Variants in FMN1 observed in about 807,000 individuals in gnomAD.
FMN1 encodes formin 1.
A neutral mutation model predicts 132.4 loss-of-function variants in FMN1; 110 were observed. That is an observed-to-expected ratio of 0.83 (90% CI 0.71 to 0.97). FMN1 has a LOEUF of 0.97. Among genes scored for constraint, FMN1 ranks in the 50% least tolerant of loss-of-function variants. The pLI, the probability that FMN1 is intolerant of heterozygous loss-of-function variation, is 0.00. For synonymous variants in FMN1, 722 were observed against 651.7 expected (o/e 1.11, Z -1.64); for missense variants, 1,792 against 1,705.3 (o/e 1.05, Z -0.90).
intron 8 of FMN1, among the ~76,000 whole-genome samples, chr15:32,967,226 G>C (rs2930130): frequency 0.016 from 2,406 of 152,274 alleles, 70 homozygotes; most frequent in African/African-American, 0.055. Context: ...CAGCTTTCCC[G>C]TGGTCGTGGG....
At chr15:32,779,002 A>T (rs1183356628) in intron 19 of FMN1, among the ~76,000 whole-genome samples, 1 of 152,200 alleles carries the variant, frequency 6.6e-6, no homozygotes, top group Non-Finnish European at 1.5e-5. Context: ...GAATTTGCTG[A>T]TACATGCTAC....
intron 7 of FMN1, among the ~76,000 whole-genome samples, chr15:32,982,485 T>C (rs1338705004): frequency 6.6e-6 from 1 of 152,220 alleles, no homozygotes; most frequent in East Asian, 1.9e-4. Flanking sequence ...GGTAGCTTTA[T>C]CAATAATAGC....
intron 16 of FMN1, among the ~76,000 whole-genome samples, chr15:32,864,919 G>A (rs1242620679): frequency 6.6e-6 from 1 of 152,100 alleles, no homozygotes; most frequent in African/African-American, 2.4e-5. Context: ...GAAATATTTG[G>A]CCATTAAAAC....
chr15:32,838,365 GGAGACT>G (rs2058673123), intron 17 of FMN1, among the ~76,000 whole-genome samples: 1 of 152,206 alleles, frequency 6.6e-6, no homozygotes, highest in African/African-American at 2.4e-5. Flanking sequence ...AGAACAGTCT[GGAGACT>G]GAGCAACTGG....
intron 19 of FMN1, among the ~76,000 whole-genome samples, chr15:32,787,592 T>C (rs1380251710): frequency 6.6e-6 from 1 of 152,222 alleles, no homozygotes; most frequent in East Asian, 1.9e-4. Context: ...GGCTCACACC[T>C]GTAATTCCAG....
chr15:32,803,389 C>T (rs1003920604), intron 18 of FMN1, among the ~76,000 whole-genome samples: 2 of 152,106 alleles, frequency 1.3e-5, no homozygotes, highest in African/African-American at 4.8e-5. Context: ...GGTCAACTAA[C>T]AAAAAGGAAA....
At position 33,073,729 on chromosome 15, in the gene FMN1, CTTG is replaced by C. The variant is rs150891143; in HGVS notation, c.2044-8658_2044-8656del. ...TTAGAAATAGTAGAAATTTACCTAG[CTTG>C]TTTTTTTTTTTTTTTTGAGACAGGG... On this transcript the variant is annotated intron_variant, in intron 5 of 20. Coordinates refer to ENST00000616417, the MANE Select transcript of FMN1 (RefSeq NM_001277313.2). 9.6e-3 allele frequency among the ~76,000 whole-genome samples: 1,412 copies of C among 147,492 alleles called. 6 individuals are homozygous for C. Among genetic ancestry groups the C allele is most frequent in the Non-Finnish European group, 0.014 (955 of 67,268 alleles).
intron 6 of FMN1, among the ~76,000 whole-genome samples, chr15:33,052,475 A>C (rs558668400): frequency 6.6e-6 from 1 of 152,342 alleles, no homozygotes; most frequent in East Asian, 1.9e-4. Flanking sequence ...CACCTGTCTG[A>C]TGTCTTTTTC....
At chr15:32,779,519 G>A (rs2056595861) in intron 19 of FMN1, among the ~76,000 whole-genome samples, 1 of 152,108 alleles carries the variant, frequency 6.6e-6, no homozygotes, top group Admixed American at 6.5e-5. Context: ...CTGAAAGCAT[G>A]TACACTCTAC....
At chr15:32,852,973 C>T (rs1275120168) in intron 17 of FMN1, among the ~76,000 whole-genome samples, 2 of 152,148 alleles carry the variant, frequency 1.3e-5, no homozygotes, top group Non-Finnish European at 2.9e-5. Flanking sequence ...TCATGTCTTT[C>T]ATCCTTCTGA....
chr15:32,889,823 ATGAG>A (rs1243991328), intron 15 of FMN1, among the ~76,000 whole-genome samples: 4 of 152,148 alleles, frequency 2.6e-5, no homozygotes, highest in Non-Finnish European at 4.4e-5. Flanking sequence ...ATTTGGTTAC[ATGAG>A]TAAGTTCTTT....
At chr15:33,065,961 G>C (rs917585148) in intron 5 of FMN1, among the ~76,000 whole-genome samples, 1 of 152,200 alleles carries the variant, frequency 6.6e-6, no homozygotes, top group Non-Finnish European at 1.5e-5. Context: ...TTGAGGCTTG[G>C]AGATTATCAA....
chr15:32,786,906 A>G (rs1266221634), intron 19 of FMN1, among the ~76,000 whole-genome samples: 1 of 152,210 alleles, frequency 6.6e-6, no homozygotes, highest in Admixed American at 6.5e-5. Context: ...AGTCTATACA[A>G]GGTACAGCCC....
At chr15:32,970,959 G>C (rs2031736517) in intron 7 of FMN1, among the ~76,000 whole-genome samples, 1 of 152,172 alleles carries the variant, frequency 6.6e-6, no homozygotes, top group Admixed American at 6.5e-5. Flanking sequence ...CAACTCTGAG[G>C]GAAGGGGCTA....
At chr15:33,046,592 C>T (rs1566862949) in intron 6 of FMN1, among the ~76,000 whole-genome samples, 1 of 152,140 alleles carries the variant, frequency 6.6e-6, no homozygotes, top group Non-Finnish European at 1.5e-5. Context: ...GAGGATGTTG[C>T]TTGCCTGTGG....
intron 5 of FMN1, among the ~76,000 whole-genome samples, chr15:33,072,872 G>A (rs1299862832): frequency 2.7e-5 from 4 of 149,200 alleles, no homozygotes; most frequent in East Asian, 2.0e-4. Flanking sequence ...GCAGTGAGCC[G>A]AGATGCACCC....
At chr15:33,082,488 G>A (rs8024278) in intron 5 of FMN1, among the ~76,000 whole-genome samples, 2,397 of 152,124 alleles carry the variant, frequency 0.016, 57 homozygotes, top group African/African-American at 0.055. Flanking sequence ...ACCCACCCAT[G>A]TCTTTGTTTA....
chr15:32,911,927 C>T (rs564303261), intron 10 of FMN1, among the ~76,000 whole-genome samples: 2 of 152,186 alleles, frequency 1.3e-5, no homozygotes, highest in African/African-American at 4.8e-5. Context: ...CACATAAATC[C>T]ACTAATTTGT....
chr15:32,981,551 T>TTA (rs1306907305), intron 7 of FMN1, among the ~76,000 whole-genome samples: 1 of 146,764 alleles, frequency 6.8e-6, no homozygotes, highest in African/African-American at 2.5e-5. Context: ...ATAATTATTA[T>TTA]TATTATTATT....
Sources: gnomAD v4.1 joint callset for allele counts (sites outside exome capture counted in the v4.1 genomes callset) on GRCh38, gnomAD v4.1.1 for gene constraint, MANE v1.5 for transcripts, NCBI Gene and HGNC (gene_info 2026-07-23, HGNC 2026-07-21) for gene names.